Variants in FAM184B observed in about 807,000 individuals in gnomAD.
FAM184B encodes protein FAM184B.
FAM184B carries 111 observed loss-of-function variants against 135.9 expected under a neutral mutation model. The observed-to-expected ratio is 0.82, with a 90% CI of 0.70 to 0.96. The LOEUF (loss-of-function observed/expected upper bound fraction) is 0.96, where lower values mean the gene tolerates loss of function less well. Among genes scored for constraint, FAM184B ranks in the 40% least tolerant of loss-of-function variants. The probability of loss-of-function intolerance (pLI) is 0.00; values close to 1 mark genes in which losing one functional copy is unlikely to be tolerated. For synonymous variants in FAM184B, 552 were observed against 524.8 expected, an observed-to-expected ratio of 1.05 and a Z score of -0.71; for missense variants, 1,375 against 1,323.9, an observed-to-expected ratio of 1.04 and a Z score of -0.60.
rs1714937937 is a variant in FAM184B at position 17,631,421 on chromosome 4, TC to T, written c.*1110del. 6.6e-6 allele frequency: 1 copy of T among 152,208 alleles called. No individual in the cohort carries two copies. The highest frequency in any genetic ancestry group is 2.4e-5 in the African/African-American group (1 of 41,408). 9.4% of individuals were successfully genotyped at this position (152,208 alleles called of 1,614,324 possible). On this transcript the variant is annotated 3_prime_UTR_variant, in exon 18 of 18. Coordinates refer to ENST00000265018, the MANE Select transcript of FAM184B (RefSeq NM_015688.2). ...CTCAAGCTCTCCTCCCATCTCAGCC[TC>T]CCAAAGTGTTGGGATTACAGGCATG...
At chr4:17,695,677 G>A (rs142851768) in intron 5 of FAM184B, among the ~76,000 whole-genome samples, 101 of 133,140 alleles carry the variant, frequency 7.6e-4, no homozygotes, top group African/African-American at 2.4e-3. Context: ...GAGAGGTCAG[G>A]ATGACACTAG....
intron 1 of FAM184B, among the ~76,000 whole-genome samples, chr4:17,737,429 T>C (rs915180870): frequency 1.3e-5 from 2 of 152,126 alleles, no homozygotes; most frequent in African/African-American, 4.8e-5. Flanking sequence ...ATGAAATTTC[T>C]AAGTTGTGCC....
At chr4:17,684,942 ACAGAAAAC>A (rs985144542) in intron 7 of FAM184B, among the ~76,000 whole-genome samples, 5 of 152,156 alleles carry the variant, frequency 3.3e-5, no homozygotes, top group African/African-American at 1.2e-4. Context: ...TAACACACGA[ACAGAAAAC>A]CAAACACCAT....
chr4:17,630,332 G>T lies in FAM184B; in HGVS notation c.*2200C>A, dbSNP rs1396802133. On this transcript the variant is annotated 3_prime_UTR_variant, in exon 18 of 18. Coordinates refer to ENST00000265018, the MANE Select transcript of FAM184B (RefSeq NM_015688.2). ...GTCAATGTAATAGTATTAAGAGGTG[G>T]GGCTTTTGGGAAGCAATGGAGTCAT... 2 of 152,096 alleles carry T rather than the reference G, an allele frequency of 1.3e-5. No individual in the cohort carries two copies. The highest frequency in any genetic ancestry group is 2.9e-5 in the Non-Finnish European group (2 of 68,018). 9.4% of individuals were successfully genotyped at this position (152,096 alleles called of 1,614,324 possible).
intron 9 of FAM184B, among the ~76,000 whole-genome samples, chr4:17,659,317 G>C (rs1264165264): frequency 6.6e-6 from 1 of 151,852 alleles, no homozygotes; most frequent in African/African-American, 2.4e-5. Flanking sequence ...ATGTTGGCCT[G>C]GTTGGTCTTG....
chr4:17,693,424 T>C lies in FAM184B; in HGVS notation c.1378-12A>G, dbSNP rs993962075. On this transcript the variant is annotated splice_polypyrimidine_tract_variant and intron_variant, in intron 5 of 17. Coordinates refer to ENST00000265018, the MANE Select transcript of FAM184B (RefSeq NM_015688.2). ...TGTGCTTCTACTTCCTAAATGATGA[T>C]TGGAAGAGTTAACCATACAAGGCAC... The C allele has an allele frequency of 2.6e-5, 40 of 1,547,922 alleles. No homozygotes were observed. In the East Asian group the frequency reaches 9.3e-4, roughly 36 times the overall value.
At chr4:17,710,046 C>T (rs961621925) in intron 1 of FAM184B, among the ~76,000 whole-genome samples, 20 of 152,110 alleles carry the variant, frequency 1.3e-4, no homozygotes, top group African/African-American at 4.6e-4. Context: ...TGGACCCAGG[C>T]CAGGTGCGGT....
intron 1 of FAM184B, among the ~76,000 whole-genome samples, chr4:17,714,976 C>T (rs1717375341): frequency 1.3e-5 from 2 of 152,186 alleles, no homozygotes; most frequent in South Asian, 4.2e-4. Flanking sequence ...ATGGTTCCTC[C>T]CCTCCCCTTC....
At chr4:17,694,032 T>C (rs2159582) in intron 5 of FAM184B, among the ~76,000 whole-genome samples, 92,922 of 152,088 alleles carry the variant, frequency 0.61, 28,949 homozygotes, top group East Asian at 0.92. Flanking sequence ...CCACAGCCCA[T>C]GAGCCTCAGT....
At chr4:17,649,381 G>A (rs1011414946) in intron 11 of FAM184B, among the ~76,000 whole-genome samples, 9 of 151,552 alleles carry the variant, frequency 5.9e-5, no homozygotes, top group Admixed American at 3.9e-4. Flanking sequence ...TCAGGAGATC[G>A]AGACCATACT....
chr4:17,781,328 T>C lies in FAM184B; in HGVS notation c.-29A>G. 1 of 1,497,352 alleles carries C rather than the reference T, an allele frequency of 6.7e-7. No individual in the cohort carries two copies. Among genetic ancestry groups the C allele is most frequent in the South Asian group, 1.3e-5 (1 of 79,324 alleles). The allele number at this position is 1,497,352 out of a possible 1,614,324, so 92.8% of individuals were successfully genotyped here. ...TAAAACGCGCCCAGCACTCAGACTCTCTCGTTTTCTCCCTGCCCACCGTGT... is the reference window on the plus strand; with the variant it reads ...TAAAACGCGCCCAGCACTCAGACTCCCTCGTTTTCTCCCTGCCCACCGTGT... On this transcript the variant is annotated 5_prime_UTR_variant, in exon 1 of 18. Coordinates refer to ENST00000265018, the MANE Select transcript of FAM184B (RefSeq NM_015688.2). The surrounding 1 kb of genome is among the most constrained non-coding windows in gnomAD (Gnocchi z 6.5).
At chr4:17,638,996 C>A (rs530811709) in intron 14 of FAM184B, among the ~76,000 whole-genome samples, 6 of 152,112 alleles carry the variant, frequency 3.9e-5, no homozygotes, top group African/African-American at 1.4e-4. Context: ...GCCACCACAC[C>A]TGTAATTTTG....
chr4:17,751,868 A>ACACACACACACACACAC (rs1382691924), intron 1 of FAM184B, among the ~76,000 whole-genome samples: 7 of 57,056 alleles, frequency 1.2e-4, no homozygotes, highest in South Asian at 1.1e-3. Context: ...CACACACACA[A>ACACACACACACACACAC]AAGAACCAGG....
rs73800370 is a variant in FAM184B, at chr4:17,724,236, T to C, written c.142-14592A>G. Among the ~76,000 whole-genome samples the C allele has an allele frequency of 8.4e-3, 1,280 of 152,304 alleles. 19 individuals carry two copies. The highest frequency in any genetic ancestry group is 0.028 in the African/African-American group (1,174 of 41,562). ...TGGTTATCTTTAGATGGTAAGATTA[T>C]GGGTGATCAATTTTTCTTCTTCTTT... is the stretch of plus-strand genomic sequence containing the variant. On this transcript the variant is annotated intron_variant, in intron 1 of 17. Coordinates refer to ENST00000265018, the MANE Select transcript of FAM184B (RefSeq NM_015688.2).
chr4:17,737,635 G>A (rs1717941048), intron 1 of FAM184B, among the ~76,000 whole-genome samples: 1 of 152,098 alleles, frequency 6.6e-6, no homozygotes, highest in Non-Finnish European at 1.5e-5. Flanking sequence ...CAGAAGTTGA[G>A]TTGACTGATT....
At chr4:17,640,316 C>G (rs1171631603) in intron 13 of FAM184B, among the ~76,000 whole-genome samples, 1 of 133,848 alleles carries the variant, frequency 7.5e-6, no homozygotes, top group African/African-American at 2.8e-5. Flanking sequence ...ACTAAAAATA[C>G]AAAAAAAAAA....
chr4:17,781,441 C>G lies in FAM184B; in HGVS notation c.-142G>C. 4 of 1,033,478 alleles carry G rather than the reference C, an allele frequency of 3.9e-6. No homozygotes were observed. The highest frequency in any genetic ancestry group is 1.7e-5 in the African/African-American group (1 of 59,558). 64.0% of individuals were successfully genotyped at this position (1,033,478 alleles called of 1,614,324 possible). On this transcript the variant is annotated 5_prime_UTR_variant, in exon 1 of 18. Coordinates refer to ENST00000265018, the MANE Select transcript of FAM184B (RefSeq NM_015688.2). This position sits in a 1 kb window ranked among gnomAD's most constrained non-coding sequence, Gnocchi z 6.5. ...TCCCGTCGCCTGCACCGCCGCGTGG[C>G]CCCAGCTTCCCGAAGGTCTCCGCCT...
chr4:17,639,518 T>C, intron 13 of FAM184B, 122 bp from the exon 14 acceptor site: 1 of 1,176,170 alleles, frequency 8.5e-7, no homozygotes, highest in South Asian at 1.5e-5. Flanking sequence ...GAAATTGTGA[T>C]CTAAGGACAC....
chr4:17,703,925 G>A (rs376837532), intron 5 of FAM184B, among the ~76,000 whole-genome samples: 880 of 82,006 alleles, frequency 0.011, 8 homozygotes, highest in African/African-American at 0.03. Flanking sequence ...CCAAGACTCC[G>A]TTTCAAAAAA....
Sources: gnomAD v4.1 joint callset for allele counts (sites outside exome capture counted in the v4.1 genomes callset) on GRCh38, gnomAD v4.1.1 for gene constraint, Gnocchi (gnomAD v3.1) non-coding constraint, MANE v1.5 for transcripts, NCBI Gene and HGNC (gene_info 2026-07-23, HGNC 2026-07-21) for gene names.